The following INSIG2 variants were observed in gnomAD, a reference collection of about 807,000 sequenced individuals.
The protein encoded by INSIG2 is insulin-induced gene 2 protein.
In INSIG2, 10 loss-of-function variants were observed where a neutral mutation model predicts 27.2. The ratio of observed to expected loss-of-function variants is 0.37; its 90% CI spans 0.23 to 0.62. The LOEUF (loss-of-function observed/expected upper bound fraction) is 0.62, where lower values mean the gene tolerates loss of function less well. Among genes scored for constraint, INSIG2 ranks in the 20% least tolerant of loss-of-function variants. The probability of loss-of-function intolerance (pLI) is 0.65; values close to 1 mark genes in which losing one functional copy is unlikely to be tolerated. For synonymous variants in INSIG2, 97 were observed against 95.8 expected (o/e 1.01, Z -0.07); for missense variants, 178 against 270.2 (o/e 0.66, Z 2.39).
At chr2:118,095,124 G>C (rs1678376493) in intron 1 of INSIG2, among the ~76,000 whole-genome samples, 1 of 152,194 alleles carries the variant, frequency 6.6e-6, no homozygotes, top group Admixed American at 6.5e-5. Flanking sequence ...CCTTTAATTA[G>C]AAAGTAGTCA....
In INSIG2 at chr2:118,107,102, A is replaced by G. The variant is rs767760376; in HGVS notation, c.549A>G (p.Pro183=). The change falls in exon 5 of 6, where the codon CCA becomes CCG. Residue 183 remains proline, a synonymous_variant. Transcript: ENST00000245787. ...TCTGTTATTCTAGATATACATCTCCAGATTTCCTCTATGTTCGTTCTTGGT... is the reference window on the plus strand; with the variant it reads ...TCTGTTATTCTAGATATACATCTCCGGATTTCCTCTATGTTCGTTCTTGGT... The part of the protein sequence containing the change: ...VYNGVYQYTS[P]DFLYVRSWLP... 1.9e-6 allele frequency: 3 copies of G among 1,609,314 alleles called. No homozygotes were observed. In the South Asian group the frequency reaches 3.3e-5, roughly 18 times the overall value.
At chr2:118,093,003 AGAT>A (rs745781895) in intron 1 of INSIG2, among the ~76,000 whole-genome samples, 11 of 134,886 alleles carry the variant, frequency 8.2e-5, no homozygotes, top group East Asian at 2.2e-4. Context: ...AAAAGCAACC[AGAT>A]GATGATGATG....
At chr2:118,095,446 C>T (rs556127016) in intron 1 of INSIG2, among the ~76,000 whole-genome samples, 4 of 152,180 alleles carry the variant, frequency 2.6e-5, no homozygotes, top group South Asian at 2.1e-4. Flanking sequence ...TGCTTTTTTG[C>T]GTCACCTATA....
chr2:118,100,824 A>G (rs1045602202), intron 2 of INSIG2, among the ~76,000 whole-genome samples: 8 of 152,202 alleles, frequency 5.3e-5, no homozygotes, highest in African/African-American at 1.7e-4. Context: ...GTTTTCTTAC[A>G]AAATGTCTGA....
chr2:118,099,954 G>A (rs190829877), intron 2 of INSIG2, among the ~76,000 whole-genome samples: 25 of 152,158 alleles, frequency 1.6e-4, no homozygotes, highest in Non-Finnish European at 1.6e-4. Flanking sequence ...GCCTCTCTCT[G>A]GTACAACAGT....
In INSIG2 at chr2:118,109,800, T is replaced by C. The variant is rs1272061824; in HGVS notation, c.*1478T>C. On this transcript the variant is annotated 3_prime_UTR_variant, in exon 6 of 6. Transcript: ENST00000245787. Reference sequence around the variant, plus strand: ...GTGAAAATCCTAAGAGGATTTCATATTGAATATGTGTACACAATCTTAACT... The same window carrying C: ...GTGAAAATCCTAAGAGGATTTCATACTGAATATGTGTACACAATCTTAACT... 1 of 152,442 alleles carries C rather than the reference T, an allele frequency of 6.6e-6. No homozygotes were observed. Among genetic ancestry groups the C allele is most frequent in the African/African-American group, 2.4e-5 (1 of 41,366 alleles). The allele number at this position is 152,442 out of a possible 1,614,324, so 9.4% of individuals were successfully genotyped here.
At chr2:118,095,515 C>T (rs763453990) in intron 1 of INSIG2, among the ~76,000 whole-genome samples, 2 of 152,166 alleles carry the variant, frequency 1.3e-5, no homozygotes, top group Non-Finnish European at 2.9e-5. Flanking sequence ...AAATGAATTA[C>T]CACATGTCAG....
rs1383056378 is a variant in INSIG2 at position 118,109,710 on chromosome 2, T to G, written c.*1388T>G. On this transcript the variant is annotated 3_prime_UTR_variant, in exon 6 of 6. Transcript: ENST00000245787. ...TTTTACACTTTGAGTTTTAAAGCAA[T>G]TACTATCAGACTGAGATCTTGTATG... 1 of 152,074 alleles carries G rather than the reference T, an allele frequency of 6.6e-6. No homozygotes were observed. The allele number at this position is 152,074 out of a possible 1,614,324, so 9.4% of individuals were successfully genotyped here.
chr2:118,092,250 G>C (rs577534805), intron 1 of INSIG2, among the ~76,000 whole-genome samples: 1 of 152,192 alleles, frequency 6.6e-6, no homozygotes, highest in Non-Finnish European at 1.5e-5. Context: ...GCAACGTGCT[G>C]TGTCTACTGG....
At chr2:118,105,908 C>G (rs372605291) in intron 3 of INSIG2, among the ~76,000 whole-genome samples, 1 of 152,110 alleles carries the variant, frequency 6.6e-6, no homozygotes, top group East Asian at 1.9e-4. Context: ...AAATTAATTC[C>G]TTTAGTGTAA....
chr2:118,104,516 T>TA (rs1392963376), intron 3 of INSIG2, among the ~76,000 whole-genome samples: 1 of 152,198 alleles, frequency 6.6e-6, no homozygotes, highest in African/African-American at 2.4e-5. Flanking sequence ...TAAGATTTTA[T>TA]AAAAAATCTA....
chr2:118,090,613 T>G (rs1317269773), intron 1 of INSIG2, among the ~76,000 whole-genome samples: 1 of 152,244 alleles, frequency 6.6e-6, no homozygotes, highest in Non-Finnish European at 1.5e-5. Context: ...TCCAGAAATT[T>G]TAGGCCAGGG....
chr2:118,104,302 G>T (rs1195420055), intron 3 of INSIG2, among the ~76,000 whole-genome samples: 1 of 152,176 alleles, frequency 6.6e-6, no homozygotes, highest in Non-Finnish European at 1.5e-5. Context: ...AAGTATTGAG[G>T]TGTTTTGGAT....
In INSIG2 at chr2:118,103,362, G is replaced by C. The variant is rs780080180; in HGVS notation, c.369+41G>C. ...TAATGAAATGCATAATAACAAAGTG[G>C]CTTCCAACAAACCAAAGGTTAAACA... On this transcript the variant is annotated intron_variant, in intron 3 of 5. Transcript: ENST00000245787. The C allele has an allele frequency of 1.9e-6, 3 of 1,562,556 alleles. No homozygotes were observed. In the Admixed American group the frequency reaches 5.2e-5, roughly 27 times the overall value.
intron 1 of INSIG2, among the ~76,000 whole-genome samples, chr2:118,093,817 C>T (rs1678328375): frequency 8.1e-6 from 1 of 123,436 alleles, no homozygotes; most frequent in African/African-American, 3.2e-5. Flanking sequence ...AAGGAGAGTT[C>T]TGTAGCTACT....
At chr2:118,090,110 A>G (rs1678189944) in intron 1 of INSIG2, among the ~76,000 whole-genome samples, 1 of 152,200 alleles carries the variant, frequency 6.6e-6, no homozygotes, top group Non-Finnish European at 1.5e-5. Context: ...TTCTAATGTT[A>G]GTGCTTATTC....
At position 118,110,839 on chromosome 2, in the gene INSIG2, G is replaced by A. The variant is rs987278534; in HGVS notation, c.*2517G>A. 2 of 152,082 alleles carry A rather than the reference G, an allele frequency of 1.3e-5. No homozygotes were observed. The highest frequency in any genetic ancestry group is 2.9e-5 in the Non-Finnish European group (2 of 68,016). The allele number at this position is 152,082 out of a possible 1,614,324, so 9.4% of individuals were successfully genotyped here. ...AACAATTCAAATTAGCCAGAGCCCT[G>A]CTAAAACTTTTAATGTAAAATTTAT... On this transcript the variant is annotated 3_prime_UTR_variant, in exon 6 of 6. Transcript: ENST00000245787.
rs1243468566 is a variant in INSIG2 at position 118,108,521 on chromosome 2, T to G, written c.*199T>G. On this transcript the variant is annotated 3_prime_UTR_variant, in exon 6 of 6. Coordinates refer to ENST00000245787, the MANE Select transcript of INSIG2 (RefSeq NM_016133.4). ...TGTGATTGCTTCATCTGTAAATCAG[T>G]TGTAAACCTTTACATATTTGACTTA... The G allele has an allele frequency of 2.0e-5, 9 of 450,726 alleles. No homozygotes were observed. The highest frequency in any genetic ancestry group is 3.6e-5 in the Non-Finnish European group (9 of 250,194). The allele number at this position is 450,726 out of a possible 1,614,324, so 27.9% of individuals were successfully genotyped here. A position where few individuals can be genotyped will look rare whatever the true frequency, so the allele number is the denominator to read the frequency against.
chr2:118,098,966 T>A (rs968208931), intron 2 of INSIG2, among the ~76,000 whole-genome samples: 7 of 152,176 alleles, frequency 4.6e-5, no homozygotes, highest in Admixed American at 4.6e-4. Flanking sequence ...ACCAATTTTG[T>A]TAGTTAAGTC....
Sources: allele counts gnomAD v4.1 joint callset (sites outside exome capture counted in the v4.1 genomes callset), GRCh38; gene constraint gnomAD v4.1.1; transcripts MANE v1.5; gene names NCBI Gene and HGNC (gene_info 2026-07-23, HGNC 2026-07-21).